BEAN1: variants seen among roughly 807,000 people sequenced by gnomAD.
BEAN1 encodes protein BEAN1.
BEAN1 carries 17 observed loss-of-function variants against 17.7 expected under a neutral mutation model. That is an observed-to-expected ratio of 0.96 (90% CI 0.66 to 1.44). The LOEUF is 1.44. Among genes scored for constraint, BEAN1 ranks in the 40% most tolerant of loss-of-function variants. The pLI is 0.00. For synonymous variants in BEAN1, 142 were observed against 151.8 expected, an observed-to-expected ratio of 0.94 and a Z score of 0.47; for missense variants, 359 against 374.1, an observed-to-expected ratio of 0.96 and a Z score of 0.33.
intron 2 of BEAN1, among the ~76,000 whole-genome samples, chr16:66,457,539 C>T (rs1291999666): frequency 4.6e-5 from 7 of 152,176 alleles, no homozygotes; most frequent in Admixed American, 2.0e-4. Flanking sequence ...TCCTTTTCCT[C>T]ACCCCATGAT....
chr16:66,446,433 G>A (rs1255886940), intron 2 of BEAN1, among the ~76,000 whole-genome samples: 2 of 152,142 alleles, frequency 1.3e-5, no homozygotes, highest in Non-Finnish European at 2.9e-5. Context: ...GGTTTGGTGG[G>A]GGGCTGTGAG....
chr16:66,433,319 C>G (rs1392876698), intron 1 of BEAN1, among the ~76,000 whole-genome samples: 1 of 152,138 alleles, frequency 6.6e-6, no homozygotes, highest in African/African-American at 2.4e-5. Flanking sequence ...CCATGTTGGC[C>G]AGGCTGGTCT....
At chr16:66,439,253 T>C (rs898251437) in intron 2 of BEAN1, among the ~76,000 whole-genome samples, 1 of 152,142 alleles carries the variant, frequency 6.6e-6, no homozygotes, top group Non-Finnish European at 1.5e-5. Flanking sequence ...TAGTGATGGA[T>C]AGCACAGGCT....
intron 2 of BEAN1, among the ~76,000 whole-genome samples, chr16:66,442,613 T>G (rs1962300314): frequency 6.6e-6 from 1 of 152,142 alleles, no homozygotes; most frequent in Admixed American, 6.5e-5. Context: ...ATATACAGTG[T>G]GTGGGTTCCA....
chr16:66,489,247 T>G (rs1964132036), intron 4 of BEAN1, among the ~76,000 whole-genome samples: 1 of 152,196 alleles, frequency 6.6e-6, no homozygotes, highest in African/African-American at 2.4e-5. Context: ...AGAAATTCAC[T>G]GCAGCATCAA....
chr16:66,447,231 T>G (rs1291061876), intron 2 of BEAN1, among the ~76,000 whole-genome samples: 1 of 152,148 alleles, frequency 6.6e-6, no homozygotes, highest in Non-Finnish European at 1.5e-5. Flanking sequence ...GGGTGGCACT[T>G]GTGTCCCCTA....
chr16:66,473,888 C>T lies in BEAN1; in HGVS notation c.290-3672C>T, dbSNP rs1276304544. On this transcript the variant is annotated intron_variant, in intron 3 of 4. Coordinates refer to ENST00000536005, the MANE Select transcript of BEAN1 (RefSeq NM_001178020.3). The surrounding 1 kb of genome is among the most constrained non-coding windows in gnomAD (Gnocchi z 4.5). ...GGCTGCGGATTCCTCTCCTCTGTCC[C>T]TTTATAAGTCAAGGTCCCTCAGATC... Among the ~76,000 whole-genome samples, 1 of 152,006 alleles carries T rather than the reference C, an allele frequency of 6.6e-6. No homozygotes were observed. The highest frequency in any genetic ancestry group is 6.6e-5 in the Admixed American group (1 of 15,258).
intron 2 of BEAN1, among the ~76,000 whole-genome samples, chr16:66,443,428 G>C (rs1596989568): frequency 6.6e-6 from 1 of 152,204 alleles, no homozygotes; most frequent in Non-Finnish European, 1.5e-5. Context: ...TGCGGTCAGG[G>C]CTACGCCCCA....
At chr16:66,494,690 C>A (rs1365501328), downstream of BEAN1, among the ~76,000 whole-genome samples, 2 of 152,220 alleles carry the variant, frequency 1.3e-5, no homozygotes, top group African/African-American at 4.8e-5. Flanking sequence ...CACTACTGGC[C>A]TCCCTTTTCT....
intron 2 of BEAN1, among the ~76,000 whole-genome samples, chr16:66,457,387 T>C (rs574949037): frequency 6.6e-6 from 1 of 152,236 alleles, no homozygotes; most frequent in South Asian, 2.1e-4. Context: ...GTATATGACT[T>C]CACCTTCCAT....
rs112224095 is a variant in BEAN1, at chr16:66,440,572, A to T, written c.25+2871A>T. On this transcript the variant is annotated intron_variant, in intron 2 of 4. Transcript: ENST00000536005. ...CTTTGGCAGTGGTGGAAGAGCAGGG[A>T]TTCTCCCTGCACCTGCCCTGGGATG... Among the ~76,000 whole-genome samples the T allele has an allele frequency of 8.0e-3, 1,223 of 152,024 alleles. 14 individuals carry two copies. The highest frequency in any genetic ancestry group is 0.026 in the African/African-American group (1,076 of 41,438).
At chr16:66,479,741 TTATGC>T (rs1963913252) in intron 4 of BEAN1, among the ~76,000 whole-genome samples, 4 of 151,728 alleles carry the variant, frequency 2.6e-5, no homozygotes, top group Non-Finnish European at 5.9e-5. Context: ...AAGGAGGGAG[TTATGC>T]CCTCAGCTCC....
chr16:66,438,362 C>T (rs540221002), intron 2 of BEAN1, among the ~76,000 whole-genome samples: 4 of 152,084 alleles, frequency 2.6e-5, no homozygotes, highest in East Asian at 1.9e-4. Flanking sequence ...CCAGCCTGGG[C>T]GACAGAGCGA....
At chr16:66,491,732 A>G (rs564618667) in intron 4 of BEAN1, among the ~76,000 whole-genome samples, 7 of 152,226 alleles carry the variant, frequency 4.6e-5, no homozygotes, top group Non-Finnish European at 7.4e-5. Context: ...GGAGCACGCA[A>G]CCTAGATCCC....
intron 4 of BEAN1, among the ~76,000 whole-genome samples, chr16:66,488,145 G>A (rs1229128395): frequency 6.6e-6 from 1 of 151,976 alleles, no homozygotes; most frequent in Non-Finnish European, 1.5e-5. Flanking sequence ...TCCCCATGAG[G>A]GGAATGGAGG....
At chr16:66,443,093 G>A (rs1962321807) in intron 2 of BEAN1, among the ~76,000 whole-genome samples, 1 of 152,174 alleles carries the variant, frequency 6.6e-6, no homozygotes, top group Non-Finnish European at 1.5e-5. Flanking sequence ...CACTGAGCTG[G>A]AACACATGCA....
At chr16:66,467,303 G>A (rs977250826) in intron 2 of BEAN1, among the ~76,000 whole-genome samples, 7 of 152,220 alleles carry the variant, frequency 4.6e-5, no homozygotes, top group East Asian at 1.9e-4. Context: ...ACCTGAGGCC[G>A]GATAATTTAT....
intron 2 of BEAN1, among the ~76,000 whole-genome samples, chr16:66,461,061 T>A (rs909131574): frequency 3.3e-5 from 5 of 152,072 alleles, no homozygotes; most frequent in African/African-American, 1.2e-4. Flanking sequence ...GAGAAGAGCC[T>A]ATTTTTTTGA....
chr16:66,452,749 G>C (rs867916696), intron 2 of BEAN1, among the ~76,000 whole-genome samples: 16 of 152,156 alleles, frequency 1.1e-4, no homozygotes, highest in African/African-American at 3.6e-4. Context: ...CTTCATAGCT[G>C]GGTTTCCCAA....
Sources: gnomAD v4.1 joint callset for allele counts (sites outside exome capture counted in the v4.1 genomes callset) on GRCh38, gnomAD v4.1.1 for gene constraint, Gnocchi (gnomAD v3.1) non-coding constraint, MANE v1.5 for transcripts, NCBI Gene and HGNC (gene_info 2026-07-23, HGNC 2026-07-21) for gene names.